NR2F1-AS1: variants seen among roughly 807,000 people sequenced by gnomAD.
NR2F1-AS1 encodes NR2F1 regulatory antisense RNA 1, also known as NR2F1 antisense RNA 1.
At chr5:93,459,026 A>G (rs1394589310) in intron 4 of NR2F1-AS1, among the ~76,000 whole-genome samples, 1 of 152,134 alleles carries the variant, frequency 6.6e-6, no homozygotes, top group Non-Finnish European at 1.5e-5. Flanking sequence ...AAGAAAAAAA[A>G]AGAAAATAAA....
intron 4 of NR2F1-AS1, among the ~76,000 whole-genome samples, chr5:93,518,256 T>C (rs192499844): frequency 1.2e-4 from 19 of 152,252 alleles, no homozygotes; most frequent in Non-Finnish European, 2.5e-4. Context: ...TAAGTAGACC[T>C]AGTGTCTCCA....
intron 4 of NR2F1-AS1, among the ~76,000 whole-genome samples, chr5:93,447,582 T>C (rs1480442887): frequency 4.6e-5 from 7 of 152,202 alleles, no homozygotes; most frequent in Non-Finnish European, 8.8e-5. Context: ...TGTGGAGAAA[T>C]AGGAACACTT....
intron 4 of NR2F1-AS1, among the ~76,000 whole-genome samples, chr5:93,526,440 T>C (rs567528797): frequency 7.2e-4 from 110 of 152,304 alleles, no homozygotes; most frequent in African/African-American, 2.0e-3. Context: ...GTACCATTCC[T>C]TCTGAGACTA....
intron 1 of NR2F1-AS1, among the ~76,000 whole-genome samples, chr5:93,578,861 A>G (rs1561516480): frequency 6.6e-6 from 1 of 152,204 alleles, no homozygotes; most frequent in Non-Finnish European, 1.5e-5. Context: ...CCACAACAAC[A>G]GATATCATTA....
Position 93,507,481 on chromosome 5 carries a change from C to A in NR2F1-AS1, n.638+46280G>T, listed in dbSNP as rs1021307088. On this transcript the variant is annotated intron_variant and non_coding_transcript_variant, in intron 4 of 5. Transcript: ENST00000660523. ...CAAGCGACTCTCCCACCTCAGCCCCCCAAGTAGCTGGGATTACAGGTGCCT... is the reference window on the plus strand; with the variant it reads ...CAAGCGACTCTCCCACCTCAGCCCCACAAGTAGCTGGGATTACAGGTGCCT... Among the ~76,000 whole-genome samples the A allele has an allele frequency of 7.9e-5, 12 of 152,290 alleles. No individual in the cohort carries two copies. The East Asian group carries it at 1.5e-3, about 20-fold the overall frequency.
intron 4 of NR2F1-AS1, among the ~76,000 whole-genome samples, chr5:93,449,670 G>A (rs1246562042): frequency 6.6e-6 from 1 of 151,838 alleles, no homozygotes; most frequent in Non-Finnish European, 1.5e-5. Flanking sequence ...CTTTATAAAA[G>A]GCAAGAAAAG....
intron 4 of NR2F1-AS1, among the ~76,000 whole-genome samples, chr5:93,475,185 T>C (rs957829970): frequency 6.6e-5 from 10 of 151,722 alleles, no homozygotes; most frequent in African/African-American, 2.4e-4. Flanking sequence ...TATGCCTATG[T>C]GGATTTTTCT....
chr5:93,430,983 T>G (rs1034439295), intron 4 of NR2F1-AS1, among the ~76,000 whole-genome samples: 1 of 152,018 alleles, frequency 6.6e-6, no homozygotes, highest in African/African-American at 2.4e-5. Flanking sequence ...AATACCTCTG[T>G]TTGGGGTAGC....
At chr5:93,433,424 A>G (rs915292725) in intron 4 of NR2F1-AS1, among the ~76,000 whole-genome samples, 7 of 152,188 alleles carry the variant, frequency 4.6e-5, no homozygotes, top group African/African-American at 9.7e-5. Context: ...TGTTAACTCT[A>G]AGAAACAAAG....
chr5:93,441,584 GT>G (rs1749572167), intron 4 of NR2F1-AS1, among the ~76,000 whole-genome samples: 1 of 152,152 alleles, frequency 6.6e-6, no homozygotes. Context: ...AAAGATCAAG[GT>G]AGCTCAACTT....
At chr5:93,495,720 CAT>C (rs1561468199) in intron 4 of NR2F1-AS1, among the ~76,000 whole-genome samples, 1 of 151,908 alleles carries the variant, frequency 6.6e-6, no homozygotes, top group African/African-American at 2.4e-5. Context: ...TATATACAAA[CAT>C]GATTTGTATA....
At chr5:93,452,412 T>C (rs886840740) in intron 4 of NR2F1-AS1, among the ~76,000 whole-genome samples, 1 of 152,154 alleles carries the variant, frequency 6.6e-6, no homozygotes, top group Admixed American at 6.5e-5. Context: ...TTTTCCAGAC[T>C]GCAGAGCAGA....
intron 4 of NR2F1-AS1, among the ~76,000 whole-genome samples, chr5:93,428,076 G>A (rs1489303964): frequency 6.6e-6 from 1 of 152,204 alleles, no homozygotes; most frequent in African/African-American, 2.4e-5. Context: ...AGTATAGAAT[G>A]AGCAATCAAA....
intron 4 of NR2F1-AS1, among the ~76,000 whole-genome samples, chr5:93,422,980 G>A (rs868469224): frequency 2.2e-4 from 34 of 152,184 alleles, no homozygotes; most frequent in South Asian, 4.1e-4. Flanking sequence ...ATCAAAACCC[G>A]GGCCAGCTGG....
In NR2F1-AS1 at chr5:93,506,901, T is replaced by C. The variant is rs1252057836; in HGVS notation, n.638+46860A>G. ...CATTTACTAATAGAGATGAAAATAT[T>C]CAACATAAATTAATGAATTTAATTG... On this transcript the variant is annotated intron_variant and non_coding_transcript_variant, in intron 4 of 5. Transcript: ENST00000660523. Among the ~76,000 whole-genome samples the C allele has an allele frequency of 2.6e-5, 4 of 152,178 alleles. No homozygotes were observed. In the East Asian group the frequency reaches 7.7e-4, roughly 29 times the overall value.
intron 4 of NR2F1-AS1, among the ~76,000 whole-genome samples, chr5:93,468,664 G>A (rs60671087): frequency 0.014 from 2,196 of 152,226 alleles, 60 homozygotes; most frequent in African/African-American, 0.05. Context: ...GATCCCGTTT[G>A]TCTATTTTGG....
chr5:93,537,347 A>G (rs1561488858), intron 4 of NR2F1-AS1, among the ~76,000 whole-genome samples: 1 of 152,202 alleles, frequency 6.6e-6, no homozygotes, highest in South Asian at 2.1e-4. Flanking sequence ...AAAGGAAACA[A>G]TTAACAGAGT....
At chr5:93,457,746 CT>C (rs568871576) in intron 4 of NR2F1-AS1, among the ~76,000 whole-genome samples, 274 of 144,256 alleles carry the variant, frequency 1.9e-3, no homozygotes, top group Middle Eastern at 7.1e-3. Flanking sequence ...GTTCTCTAGG[CT>C]TTTTTTTTTT....
In NR2F1-AS1 at chr5:93,488,156, C is replaced by A. The variant is rs187786826; in HGVS notation, n.638+65605G>T. ...TAAAAACCCTAGAAGAAAACCTATG[C>A]AATATCATTCAGGACATAGGCATGG... On this transcript the variant is annotated intron_variant and non_coding_transcript_variant, in intron 4 of 5. Transcript: ENST00000660523. Among the ~76,000 whole-genome samples the A allele has an allele frequency of 2.2e-3, 328 of 152,256 alleles. 1 individual carries two copies. The highest frequency in any genetic ancestry group is 3.4e-3 in the Middle Eastern group (1 of 294).
Sources: allele counts gnomAD v4.1 joint callset (sites outside exome capture counted in the v4.1 genomes callset), GRCh38; gene constraint gnomAD v4.1.1; transcripts MANE v1.5; gene names NCBI Gene and HGNC (gene_info 2026-07-23, HGNC 2026-07-21).